SNTG2: variants seen among roughly 807,000 people sequenced by gnomAD.
SNTG2 encodes syntrophin gamma 2, also known as gamma-2-syntrophin.
Under a neutral mutation model 70.9 loss-of-function variants are expected in SNTG2, and 74 were observed. That is an observed-to-expected ratio of 1.04 (90% CI 0.86 to 1.27). The LOEUF is 1.27. Among genes scored for constraint, SNTG2 ranks in the 50% most tolerant of loss-of-function variants. The probability of loss-of-function intolerance (pLI) is 0.00; values close to 1 mark genes in which losing one functional copy is unlikely to be tolerated. For missense variants in SNTG2, 717 were observed against 690.7 expected (o/e 1.04, Z -0.43); for synonymous variants, 278 against 273.8 (o/e 1.02, Z -0.15).
intron 1 of SNTG2, among the ~76,000 whole-genome samples, chr2:1,042,858 A>G (rs1051808652): frequency 1.3e-5 from 2 of 152,150 alleles, no homozygotes; most frequent in Non-Finnish European, 2.9e-5. Context: ...TATGGTGGAA[A>G]GATTTGCATT....
At chr2:1,015,062 C>T (rs557446922) in intron 1 of SNTG2, among the ~76,000 whole-genome samples, 1 of 152,278 alleles carries the variant, frequency 6.6e-6, no homozygotes, top group South Asian at 2.1e-4. Context: ...GGGTGGTGGA[C>T]AGCGCGGGGC....
intron 13 of SNTG2, among the ~76,000 whole-genome samples, chr2:1,263,290 C>T (rs1678544367): frequency 6.6e-6 from 1 of 152,006 alleles, no homozygotes; most frequent in South Asian, 2.1e-4. Flanking sequence ...TAAATTTATA[C>T]AGTTATATGT....
chr2:1,184,542 G>A (rs983589551), intron 8 of SNTG2, among the ~76,000 whole-genome samples: 1 of 152,130 alleles, frequency 6.6e-6, no homozygotes, highest in African/African-American at 2.4e-5. Flanking sequence ...AGCATGGCTG[G>A]GGAGGCCTCA....
chr2:1,224,023 G>C (rs1344076964), intron 9 of SNTG2, among the ~76,000 whole-genome samples: 1 of 151,222 alleles, frequency 6.6e-6, no homozygotes, highest in Non-Finnish European at 1.5e-5. Context: ...AGTCTGGTGA[G>C]GGCCTGTCCT....
intron 1 of SNTG2, among the ~76,000 whole-genome samples, chr2:1,069,259 C>G (rs1663358456): frequency 6.7e-6 from 1 of 150,086 alleles, no homozygotes; most frequent in African/African-American, 2.5e-5. Flanking sequence ...TGAACTCAGG[C>G]AAATATGCCA....
chr2:1,003,165 T>C (rs1659462209), intron 1 of SNTG2, among the ~76,000 whole-genome samples: 1 of 152,086 alleles, frequency 6.6e-6, no homozygotes, highest in Non-Finnish European at 1.5e-5. Context: ...GGCTGATAGC[T>C]ACACTAAAAG....
At position 1,168,124 on chromosome 2, in the gene SNTG2, G is replaced by A. The variant is rs533783794; in HGVS notation, c.499+2489G>A. Among the ~76,000 whole-genome samples, 106 of 141,294 alleles carry A rather than the reference G, an allele frequency of 7.5e-4. 4 individuals are homozygous for A. The highest frequency in any genetic ancestry group is 3.0e-3 in the African/African-American group (105 of 34,822). 92.7% of individuals were successfully genotyped at this position (141,294 alleles called of 152,430 possible). On this transcript the variant is annotated intron_variant, in intron 7 of 16. Transcript: ENST00000308624. The stretch of plus-strand genomic sequence containing the variant: ...ACGGCAGTACTGAAGCCTACAGGCC[G>A]CCCACAGACGGCAGAACTGAAACCT...
intron 1 of SNTG2, among the ~76,000 whole-genome samples, chr2:1,003,862 A>C (rs1010661981): frequency 6.6e-6 from 1 of 152,196 alleles, no homozygotes; most frequent in African/African-American, 2.4e-5. Flanking sequence ...TTCTTTGTAC[A>C]TAAACTTTTT....
intron 16 of SNTG2, among the ~76,000 whole-genome samples, chr2:1,319,212 G>A (rs1280781693): frequency 6.6e-6 from 1 of 152,208 alleles, no homozygotes; most frequent in Non-Finnish European, 1.5e-5. Context: ...CGGCATCGCT[G>A]CCTTGTGATG....
intron 6 of SNTG2, among the ~76,000 whole-genome samples, chr2:1,144,079 T>A (rs1572554594): frequency 6.6e-6 from 1 of 151,826 alleles, no homozygotes; most frequent in Non-Finnish European, 1.5e-5. Flanking sequence ...TACCCAAGGG[T>A]GTGCTTATCT....
intron 16 of SNTG2, chr2:1,341,535 C>G (rs575027826): frequency 6.6e-6 from 1 of 152,408 alleles, no homozygotes; most frequent in South Asian, 2.1e-4. Flanking sequence ...CTCAGAAGAA[C>G]AGGGGGAAAG....
At chr2:1,228,017 T>C (rs576611216) in intron 9 of SNTG2, among the ~76,000 whole-genome samples, 1 of 152,290 alleles carries the variant, frequency 6.6e-6, no homozygotes, top group East Asian at 1.9e-4. Flanking sequence ...GCACCTGCAG[T>C]GTCCAGGCCT....
chr2:1,014,810 A>C (rs979550745), intron 1 of SNTG2, among the ~76,000 whole-genome samples: 5 of 151,776 alleles, frequency 3.3e-5, no homozygotes, highest in Non-Finnish European at 5.9e-5. Flanking sequence ...AGGATTTATA[A>C]GGGTGGAGAG....
At chr2:1,197,235 A>G (rs1050680587) in intron 8 of SNTG2, among the ~76,000 whole-genome samples, 1 of 152,098 alleles carries the variant, frequency 6.6e-6, no homozygotes, top group African/African-American at 2.4e-5. Context: ...AACTCACTTC[A>G]CTAGTAAATA....
intron 16 of SNTG2, among the ~76,000 whole-genome samples, chr2:1,358,059 A>C (rs1330852377): frequency 6.6e-6 from 1 of 151,988 alleles, no homozygotes; most frequent in Non-Finnish European, 1.5e-5. Flanking sequence ...GCAGATGTTC[A>C]CTTTTTTTCT....
chr2:1,216,492 C>A (rs28420100), intron 9 of SNTG2, among the ~76,000 whole-genome samples: 2,925 of 152,156 alleles, frequency 0.019, 147 homozygotes, highest in Admixed American at 0.12. Context: ...AAATTTTCTC[C>A]CATTCTGTAG....
At chr2:1,348,049 G>A (rs1024018125) in intron 16 of SNTG2, among the ~76,000 whole-genome samples, 5 of 151,516 alleles carry the variant, frequency 3.3e-5, no homozygotes, top group South Asian at 4.2e-4. Context: ...CTGTATCCCC[G>A]GGTTGCAACT....
Position 1,193,346 on chromosome 2 carries a change from C to T in SNTG2, c.592-15757C>T, listed in dbSNP as rs931487011. 4.6e-5 allele frequency among the ~76,000 whole-genome samples: 7 copies of T among 152,228 alleles called. No homozygotes were observed. The South Asian group carries it at 1.5e-3, about 32-fold the overall frequency. ...GGAAAGCCCTCCCTCCTAGAGGCTC[C>T]GCAGGCAGCCGCTCACCACCTGATG... On this transcript the variant is annotated intron_variant, in intron 8 of 16. Coordinates refer to ENST00000308624, the MANE Select transcript of SNTG2 (RefSeq NM_018968.4).
At chr2:1,110,491 C>G (rs769439149) in intron 4 of SNTG2, among the ~76,000 whole-genome samples, 14 of 152,202 alleles carry the variant, frequency 9.2e-5, no homozygotes, top group Non-Finnish European at 1.5e-4. Context: ...CTGCCTCCCT[C>G]CCTCCCATGT....
Sources: allele counts gnomAD v4.1 joint callset (sites outside exome capture counted in the v4.1 genomes callset), GRCh38; gene constraint gnomAD v4.1.1; transcripts MANE v1.5; gene names NCBI Gene and HGNC (gene_info 2026-07-23, HGNC 2026-07-21).